The following HECTD4 variants were observed in gnomAD, a reference collection of about 807,000 sequenced individuals.
The protein encoded by HECTD4 is probable E3 ubiquitin-protein ligase HECTD4.
In HECTD4, 114 loss-of-function variants were observed where a neutral mutation model predicts 471.5. That is an observed-to-expected ratio of 0.24 (90% CI 0.21 to 0.28). The LOEUF (loss-of-function observed/expected upper bound fraction) is 0.28. HECTD4 is among the 10% of genes least tolerant of loss of function. The probability of loss-of-function intolerance (pLI) is 1.00; values close to 1 mark genes in which losing one functional copy is unlikely to be tolerated. For synonymous variants in HECTD4, 2,012 were observed against 2,256.0 expected (o/e 0.89, Z 3.07); for missense variants, 3,866 against 5,651.5 (o/e 0.68, Z 10.13).
rs1755354575 is a variant in HECTD4 at position 112,161,177 on chromosome 12, A to C, written c.*1210T>G. The C allele has an allele frequency of 6.6e-6, 1 of 152,270 alleles. No homozygotes were observed. The allele number at this position is 152,270 out of a possible 1,614,324, so 9.4% of individuals were successfully genotyped here. Reference sequence around the variant, plus strand: ...GATTCTGTGAGACCTGGCAAGGCCCAAAGTGACAGTGTCCAACAAGATGGC... The same window carrying C: ...GATTCTGTGAGACCTGGCAAGGCCCCAAGTGACAGTGTCCAACAAGATGGC... On this transcript the variant is annotated 3_prime_UTR_variant, in exon 76 of 76. Transcript: ENST00000682272.
intron 1 of HECTD4, among the ~76,000 whole-genome samples, chr12:112,324,045 C>CTTTCTTTCTTT (rs2035676990): frequency 7.2e-5 from 1 of 13,918 alleles, no homozygotes; most frequent in Admixed American, 7.6e-4. Context: ...TTCCTTCCTT[C>CTTTCTTTCTTT]CTTTCTTTCT....
At chr12:112,369,231 C>T (rs1035926979) in intron 1 of HECTD4, among the ~76,000 whole-genome samples, 2 of 152,104 alleles carry the variant, frequency 1.3e-5, no homozygotes, top group Non-Finnish European at 2.9e-5. Context: ...AAAACTCTGG[C>T]TTCTTTGGCT....
intron 64 of HECTD4, among the ~76,000 whole-genome samples, chr12:112,178,465 C>G (rs554591300): frequency 1.2e-4 from 18 of 152,334 alleles, no homozygotes; most frequent in Non-Finnish European, 1.5e-5. Flanking sequence ...TCTGACCACA[C>G]TTGTGGATAA....
At chr12:112,346,868 A>T (rs1325608701) in intron 1 of HECTD4, among the ~76,000 whole-genome samples, 1 of 152,186 alleles carries the variant, frequency 6.6e-6, no homozygotes, top group Non-Finnish European at 1.5e-5. Context: ...GAGCTTTCCT[A>T]GCTCTTAATT....
At chr12:112,254,340 A>G (rs1318056825) in intron 21 of HECTD4, among the ~76,000 whole-genome samples, 178 bp from the exon 22 acceptor site, 3 of 152,184 alleles carry the variant, frequency 2.0e-5, no homozygotes, top group African/African-American at 4.8e-5. Context: ...TTTGGATGCA[A>G]TCAGTCATTG....
In HECTD4 at chr12:112,184,284, G is replaced by A. The variant is rs543857742; in HGVS notation, c.10682C>T (p.Thr3561Met). ...SLGEPLDNAE[T>M]ASVSDMGSMY... ...GGAGCCCATGTCCGACACCGAGGCC[G>A]TCTCTGCATTGTCCAGGGGCTCCCC... The change falls in exon 61 of 76, where the codon ACG becomes ATG. Residue 3561 changes from threonine to methionine, a missense_variant. By Grantham distance (81) the Thr-to-Met change is moderately conservative. Around this residue, in one of 16 missense-constraint regions of HECTD4, gnomAD observed 192 missense variants for 189.9 expected, o/e 1.01. Transcript: ENST00000682272. The surrounding 1 kb of genome is among the most constrained non-coding windows in gnomAD (Gnocchi z 9.1). 18 of 1,613,476 alleles carry A rather than the reference G, an allele frequency of 1.1e-5. No homozygotes were observed. In the Admixed American group the frequency reaches 1.7e-4, roughly 15 times the overall value.
chr12:112,245,799 A>G (rs1233059208), intron 29 of HECTD4, among the ~76,000 whole-genome samples: 1 of 152,234 alleles, frequency 6.6e-6, no homozygotes, highest in Non-Finnish European at 1.5e-5. Flanking sequence ...AGAAGACTCA[A>G]TGATTTTCCT....
intron 50 of HECTD4, among the ~76,000 whole-genome samples, chr12:112,209,635 G>C (rs180707234): frequency 1.3e-5 from 2 of 152,290 alleles, no homozygotes; most frequent in African/African-American, 4.8e-5. Flanking sequence ...CATCATAAAA[G>C]TTTTTAGTGC....
At chr12:112,164,999 G>T (rs2030877897) in intron 72 of HECTD4, among the ~76,000 whole-genome samples, 1 of 146,614 alleles carries the variant, frequency 6.8e-6, no homozygotes, top group South Asian at 2.2e-4. Flanking sequence ...TCAGCTCACT[G>T]CAACCTCTGC....
chr12:112,302,337 G>A (rs1773194505), intron 7 of HECTD4: 3 of 757,606 alleles, frequency 4.0e-6, no homozygotes, highest in Admixed American at 3.6e-5. Flanking sequence ...AACAGCCTCT[G>A]CTTCTTCTCT....
intron 23 of HECTD4, 91 bp from the exon 24 acceptor site, chr12:112,251,225 A>C: frequency 8.2e-7 from 1 of 1,217,636 alleles, no homozygotes; most frequent in Non-Finnish European, 1.2e-6. Flanking sequence ...GTCCCCAACC[A>C]CAGGGTTCTA....
rs1195393633 is a variant in HECTD4, at chr12:112,175,852, C to T, written c.11478G>A (p.Glu3826=). The part of the protein sequence containing the change: ...KSPTKKQEVP[E]EKYLTLEGFH... ...ATCCTTCCAGCGTCAGGTATTTTTC[C>T]TCAGGGACTGGTGGAAAGGGTTCAG... The change falls in exon 66 of 76, where the codon GAG becomes GAA. Residue 3826 remains glutamate (E), a synonymous_variant. Coordinates refer to ENST00000682272, the MANE Select transcript of HECTD4 (RefSeq NM_001388303.1). 1.9e-6 allele frequency: 3 copies of T among 1,613,478 alleles called. No individual in the cohort carries two copies. The highest frequency in any genetic ancestry group is 1.7e-5 in the Admixed American group (1 of 59,982).
intron 7 of HECTD4, among the ~76,000 whole-genome samples, chr12:112,293,414 C>T (rs892640627): frequency 1.3e-5 from 2 of 149,026 alleles, no homozygotes; most frequent in Non-Finnish European, 3.0e-5. Context: ...TGGTGGCTTG[C>T]GCCTGTAATC....
At position 112,249,885 on chromosome 12, in the gene HECTD4, T is replaced by C. The variant is rs752150811; in HGVS notation, c.3950+259A>G. ...GCGCCCCATCCTCAGACCTTCTGATTCAATAGGTGCAAAATGGGGTCCAAG... is the reference window on the plus strand; with the variant it reads ...GCGCCCCATCCTCAGACCTTCTGATCCAATAGGTGCAAAATGGGGTCCAAG... On this transcript the variant is annotated intron_variant, in intron 25 of 75. Coordinates refer to ENST00000682272, the MANE Select transcript of HECTD4 (RefSeq NM_001388303.1). 86 of 483,042 alleles carry C rather than the reference T, an allele frequency of 1.8e-4. 1 individual carries two copies. The highest frequency in any genetic ancestry group is 3.0e-4 in the Non-Finnish European group (80 of 267,154). The allele number at this position is 483,042 out of a possible 1,614,324, so 29.9% of individuals were successfully genotyped here. A position where few individuals can be genotyped will look rare whatever the true frequency, so the allele number is the denominator to read the frequency against.
At position 112,163,141 on chromosome 12, in the gene HECTD4, C is replaced by T. The variant is rs1449844839; in HGVS notation, c.13021G>A (p.Glu4341Lys). The stretch of plus-strand genomic sequence containing the variant: ...CAGGGGCAGGTGAACGGGATGCGCT[C>T]CTGGTTGCAGGCAAACTTGATGAAC... ...CKFIKFACNQ[E>K]RIPFTCPCKD... is the part of the protein sequence containing the mutation. The change falls in exon 75 of 76, where the codon GAG becomes AAG. Residue 4341 changes from glutamate (E) to lysine (K), a missense_variant. By Grantham distance (56) the Glu-to-Lys change is moderately conservative. Around this residue, in one of 16 missense-constraint regions of HECTD4, gnomAD observed 715 missense variants for 1,087.6 expected, o/e 0.66. Transcript: ENST00000682272. This position sits in a 1 kb window ranked among gnomAD's most constrained non-coding sequence, Gnocchi z 8.2. The T allele has an allele frequency of 1.2e-6, 2 of 1,613,914 alleles. No individual in the cohort carries two copies. The highest frequency in any genetic ancestry group is 2.2e-5 in the East Asian group (1 of 44,894).
chr12:112,203,654 G>A lies in HECTD4; in HGVS notation c.8388C>T (p.Val2796=), dbSNP rs2032493982. 1.2e-6 allele frequency: 2 copies of A among 1,613,290 alleles called. No homozygotes were observed. Among genetic ancestry groups the A allele is most frequent in the Non-Finnish European group, 1.7e-6 (2 of 1,179,608 alleles). The change falls in exon 54 of 76, where the codon GTC becomes GTT. Residue 2796 remains valine (V), a synonymous_variant. Transcript: ENST00000682272. ...CACTCACTGAATCAACATCTAAGAC[G>A]ACTCCATGAAGCCCAAAGGTTTTCA... The part of the protein sequence containing the change: ...GMLKTFGLHG[V]VLDVDSVNEL...
intron 10 of HECTD4, among the ~76,000 whole-genome samples, chr12:112,274,441 C>T (rs2135627344): frequency 1.3e-5 from 2 of 152,340 alleles, no homozygotes; most frequent in South Asian, 4.1e-4. Context: ...CACAATGGCT[C>T]ATGCCTGTAA....
At chr12:112,325,104 G>A (rs1254462628) in intron 1 of HECTD4, among the ~76,000 whole-genome samples, 2 of 152,120 alleles carry the variant, frequency 1.3e-5, no homozygotes, top group African/African-American at 4.8e-5. Flanking sequence ...ATAAAATGAT[G>A]TGTATGACAA....
chr12:112,352,870 G>A (rs547279028), intron 1 of HECTD4, among the ~76,000 whole-genome samples: 10 of 152,184 alleles, frequency 6.6e-5, no homozygotes, highest in Non-Finnish European at 1.5e-4. Context: ...GCCTCCCAAA[G>A]TGCTGGGGTT....
Sources: gnomAD v4.1 joint callset for allele counts (sites outside exome capture counted in the v4.1 genomes callset) on GRCh38, gnomAD v4.1.1 for gene constraint, gnomAD v4.1.1 regional missense constraint, Gnocchi (gnomAD v3.1) non-coding constraint, MANE v1.5 for transcripts, NCBI Gene and HGNC (gene_info 2026-07-23, HGNC 2026-07-21) for gene names.